SCGB2A1: variants seen among roughly 807,000 people sequenced by gnomAD.
SCGB2A1 encodes the protein secretoglobin family 2A member 1.
In SCGB2A1, 6 loss-of-function variants were observed where a neutral mutation model predicts 9.2. The ratio of observed to expected loss-of-function variants is 0.66; its 90% confidence interval spans 0.36 to 1.29. SCGB2A1 has a LOEUF of 1.29. Ranked by LOEUF, SCGB2A1 falls within the 50% of genes most tolerant of loss-of-function variation. The pLI, the probability that SCGB2A1 is intolerant of heterozygous loss-of-function variation, is 0.03. For synonymous variants in SCGB2A1, 37 were observed against 41.0 expected, an observed-to-expected ratio of 0.90 and a Z score of 0.37; for missense variants, 138 against 116.9, an observed-to-expected ratio of 1.18 and a Z score of -0.83.
chr11:62,212,919 C>T (rs535393676), intron 2 of SCGB2A1, among the ~76,000 whole-genome samples: 19 of 143,800 alleles, frequency 1.3e-4, no homozygotes, highest in East Asian at 7.8e-4. Flanking sequence ...CATATATATA[C>T]ACACACACAT....
intron 1 of SCGB2A1, among the ~76,000 whole-genome samples, chr11:62,209,137 G>T (rs1199005380): frequency 6.6e-6 from 1 of 152,160 alleles, no homozygotes; most frequent in Non-Finnish European, 1.5e-5. Context: ...ATAATCATGG[G>T]TCTCCTTGAA....
chr11:62,213,036 A>G lies in SCGB2A1; in HGVS notation c.244-690A>G, dbSNP rs1369244147. On this transcript the variant is annotated intron_variant, in intron 2 of 2. Coordinates refer to ENST00000244930, the MANE Select transcript of SCGB2A1 (RefSeq NM_002407.3). ...TGCACATATATACATATATACACAC[A>G]TATATACATATATACACATATATAC... Among the ~76,000 whole-genome samples the G allele has an allele frequency of 9.4e-5, 11 of 117,056 alleles. 1 individual carries two copies. The highest frequency in any genetic ancestry group is 1.7e-4 in the Admixed American group (2 of 11,604). The allele number at this position is 117,056 out of a possible 152,430, so 76.8% of individuals were successfully genotyped here.
chr11:62,213,010 A>ACGCACATATACG (rs1286093924), intron 2 of SCGB2A1, among the ~76,000 whole-genome samples: 2 of 86,782 alleles, frequency 2.3e-5, no homozygotes, highest in African/African-American at 7.6e-5. Context: ...GTACACATAT[A>ACGCACATATACG]TGCACATATA....
intron 1 of SCGB2A1, among the ~76,000 whole-genome samples, chr11:62,209,825 C>T (rs7938597): frequency 0.3 from 45,902 of 151,936 alleles, 8,532 homozygotes; most frequent in East Asian, 0.77. Context: ...CAGGTGGACA[C>T]CACTATGCCT....
chr11:62,213,115 T>TTTTTGTAGAGATGGCATTTTGTCATA (rs1944852284), intron 2 of SCGB2A1, among the ~76,000 whole-genome samples: 1 of 145,652 alleles, frequency 6.9e-6, no homozygotes, highest in Non-Finnish European at 1.5e-5. Context: ...TATTTTTTTT[T>TTTTTGTAGAGATGGCATTTTGTCATA]TTGTAGAGAT....
intron 1 of SCGB2A1, among the ~76,000 whole-genome samples, chr11:62,209,381 G>A (rs2134732583): frequency 6.6e-6 from 1 of 152,294 alleles, no homozygotes; most frequent in East Asian, 1.9e-4. Flanking sequence ...CCCGGCTGCT[G>A]GAATCAGCGC....
intron 1 of SCGB2A1, among the ~76,000 whole-genome samples, chr11:62,209,918 G>A (rs1476901199): frequency 1.3e-5 from 2 of 152,034 alleles, no homozygotes; most frequent in Non-Finnish European, 2.9e-5. Flanking sequence ...CAAGCAATTC[G>A]CCTGCCTTGG....
At chr11:62,213,020 A>ATG (rs1944846799) in intron 2 of SCGB2A1, among the ~76,000 whole-genome samples, 1 of 142,764 alleles carries the variant, frequency 7.0e-6, no homozygotes, top group South Asian at 2.2e-4. Flanking sequence ...ATGCACATAT[A>ATG]TACATATATA....
rs1299169999 is a variant in SCGB2A1 at position 62,213,906 on chromosome 11, C to G, written c.*136C>G. 2 of 634,748 alleles carry G rather than the reference C, an allele frequency of 3.2e-6. No individual in the cohort carries two copies. Among genetic ancestry groups the G allele is most frequent in the African/African-American group, 1.9e-5 (1 of 53,584 alleles). The allele number at this position is 634,748 out of a possible 1,614,324, so 39.3% of individuals were successfully genotyped here. A position where few individuals can be genotyped will look rare whatever the true frequency, so the allele number is the denominator to read the frequency against. On this transcript the variant is annotated 3_prime_UTR_variant, in exon 3 of 3. Coordinates refer to ENST00000244930, the MANE Select transcript of SCGB2A1 (RefSeq NM_002407.3). Reference sequence around the variant, plus strand: ...TAGACAACTGTTGAAACCTCAAATTCATTTCCATTTCAATAAACTAACTGC... The same window carrying G: ...TAGACAACTGTTGAAACCTCAAATTGATTTCCATTTCAATAAACTAACTGC...
intron 1 of SCGB2A1, 86 bp downstream of exon 1, chr11:62,208,872 G>C: frequency 7.4e-7 from 1 of 1,351,612 alleles, no homozygotes; most frequent in Non-Finnish European, 1.0e-6. Context: ...CTAATCCCCA[G>C]CACAGACGAG....
At chr11:62,208,837 G>A (rs769673169) in intron 1 of SCGB2A1, 51 bp downstream of exon 1, 4 of 1,583,068 alleles carry the variant, frequency 2.5e-6, no homozygotes, top group East Asian at 2.2e-5. Flanking sequence ...TGTCACCTGG[G>A]CCCCTGTAGA....
intron 2 of SCGB2A1, among the ~76,000 whole-genome samples, chr11:62,211,296 T>A (rs1944829097): frequency 6.6e-6 from 1 of 151,998 alleles, no homozygotes; most frequent in African/African-American, 2.4e-5. Flanking sequence ...AGCAATCTAC[T>A]AAGAAATTTC....
At chr11:62,213,087 T>TGCATATATACACATATATAC (rs763790997) in intron 2 of SCGB2A1, among the ~76,000 whole-genome samples, 9 of 119,254 alleles carry the variant, frequency 7.5e-5, no homozygotes, top group Non-Finnish European at 1.3e-4. Context: ...TACACATATA[T>TGCATATATACACATATATAC]ACACATATAT....
rs1423398013 is a variant in SCGB2A1 at position 62,213,462 on chromosome 11, A to G, written c.244-264A>G. The G allele has an allele frequency of 3.1e-5, 12 of 387,584 alleles. No individual in the cohort carries two copies. In the East Asian group the frequency reaches 4.7e-4, roughly 15 times the overall value. 24.0% of individuals were successfully genotyped at this position (387,584 alleles called of 1,614,324 possible). A position where few individuals can be genotyped will look rare whatever the true frequency, so the allele number is the denominator to read the frequency against. On this transcript the variant is annotated intron_variant, in intron 2 of 2. Transcript: ENST00000244930. ...CATATTTATTGGATAAGTTATTTCA[A>G]AGGATAGAATTTTTGGAGAAAAAAA...
chr11:62,209,155 C>T (rs562696106), intron 1 of SCGB2A1, among the ~76,000 whole-genome samples: 28 of 152,234 alleles, frequency 1.8e-4, no homozygotes, highest in Non-Finnish European at 3.4e-4. Flanking sequence ...GAATATGGAA[C>T]GAAATAGGAA....
At chr11:62,209,651 G>GTGTGTGTA (rs1366699728) in intron 1 of SCGB2A1, among the ~76,000 whole-genome samples, 2 of 150,698 alleles carry the variant, frequency 1.3e-5, no homozygotes, top group Non-Finnish European at 3.0e-5. Context: ...GTGTGTGTGT[G>GTGTGTGTA]TGTGTGTGTG....
intron 2 of SCGB2A1, among the ~76,000 whole-genome samples, chr11:62,213,075 TATACACATATATACAC>T (rs1364350191): frequency 6.7e-4 from 29 of 43,424 alleles, no homozygotes; most frequent in African/African-American, 2.1e-3. Flanking sequence ...TATATACATA[TATACACATATATACAC>T]ATATATATAT....
At chr11:62,209,944 G>T (rs758681660) in intron 1 of SCGB2A1, among the ~76,000 whole-genome samples, 27 of 152,094 alleles carry the variant, frequency 1.8e-4, no homozygotes, top group Non-Finnish European at 3.1e-4. Flanking sequence ...CTAAGTGCTG[G>T]GATTACAGGC....
At chr11:62,212,228 C>T (rs1433602863) in intron 2 of SCGB2A1, among the ~76,000 whole-genome samples, 1 of 151,380 alleles carries the variant, frequency 6.6e-6, no homozygotes, top group Non-Finnish European at 1.5e-5. Context: ...ATTTAATACC[C>T]TAAAATTTTA....
Sources: allele counts gnomAD v4.1 joint callset (sites outside exome capture counted in the v4.1 genomes callset), GRCh38; gene constraint gnomAD v4.1.1; transcripts MANE v1.5; gene names NCBI Gene and HGNC (gene_info 2026-07-23, HGNC 2026-07-21).